The following FAM149A variants were observed in gnomAD, a reference collection of about 807,000 sequenced individuals.
FAM149A encodes family with sequence similarity 149 member A.
FAM149A carries 71 observed loss-of-function variants against 78.2 expected under a neutral mutation model. The ratio of observed to expected loss-of-function variants is 0.91; its 90% confidence interval spans 0.75 to 1.11. The LOEUF is 1.11. Among genes scored for constraint, FAM149A ranks in the 50% least tolerant of loss-of-function variants. The pLI is 0.00. For missense variants in FAM149A, 1,036 were observed against 971.0 expected (o/e 1.07, Z -0.89); for synonymous variants, 446 against 410.5 (o/e 1.09, Z -1.04).
intron 1 of FAM149A, among the ~76,000 whole-genome samples, chr4:186,148,271 G>T (rs530161252): frequency 7.2e-4 from 110 of 152,324 alleles, no homozygotes; most frequent in African/African-American, 2.6e-3. Context: ...AGGTTGCAGT[G>T]AGCTGAGATC....
intron 1 of FAM149A, among the ~76,000 whole-genome samples, chr4:186,106,874 C>T (rs987862451): frequency 6.6e-6 from 1 of 152,026 alleles, no homozygotes; most frequent in African/African-American, 2.4e-5. Context: ...GGCGTGAACC[C>T]GGGAGGCGGA....
Position 186,154,547 on chromosome 4 carries a change from G to T in FAM149A, c.1138G>T (p.Ala380Ser), listed in dbSNP as rs138777575. The change falls in exon 6 of 14, where the codon GCT becomes TCT. Residue 380 changes from alanine to serine, a missense_variant. Transcript: ENST00000389354. ...GCCAGGCCCTGATGACACAGGGGTTGCTGACCTAACGGCACGTTCATCCCT... is the reference window on the plus strand; with the variant it reads ...GCCAGGCCCTGATGACACAGGGGTTTCTGACCTAACGGCACGTTCATCCCT... The T allele has an allele frequency of 9.2e-5, 149 of 1,614,172 alleles. No individual in the cohort carries two copies. In the African/African-American group the frequency reaches 1.7e-3, roughly 19 times the overall value.
At chr4:186,127,749 G>C (rs1256566132) in intron 1 of FAM149A, 3 of 851,626 alleles carry the variant, frequency 3.5e-6, no homozygotes, top group South Asian at 1.1e-4. Context: ...GCAGTGGCAC[G>C]ATCTCTGCTC....
At chr4:186,151,499 T>G (rs913234769) in intron 3 of FAM149A, among the ~76,000 whole-genome samples, 6 of 152,200 alleles carry the variant, frequency 3.9e-5, no homozygotes, top group Non-Finnish European at 5.9e-5. Context: ...AAATCTTGTA[T>G]TTTGCAGGTG....
rs771886128 is a variant in FAM149A, at chr4:186,165,474, A to AAATC, written c.2010+10_2010+11insAATC. Reference sequence around the variant, plus strand: ...ATGCCGCCTTGTTTCTGTAAGACAGATTTCATTCTATTTCAGTGGACCATT... The same window carrying AAATC: ...ATGCCGCCTTGTTTCTGTAAGACAGAAATCTTTCATTCTATTTCAGTGGACCATT... On this transcript the variant is annotated intron_variant, in intron 11 of 13. Coordinates refer to ENST00000389354, the MANE Select transcript of FAM149A (RefSeq NM_001367768.3). The AAATC allele has an allele frequency of 2.1e-5, 34 of 1,613,792 alleles. No individual in the cohort carries two copies. In the African/African-American group the frequency reaches 4.5e-4, roughly 22 times the overall value.
Position 186,135,799 on chromosome 4 carries a change from A to C in FAM149A, c.567-13374A>C, listed in dbSNP as rs1157037410. ...CACAACAATTTGGAAGACCTGTGAC[A>C]GCACTGAATAGACCCACAAAAGTGC... On this transcript the variant is annotated intron_variant, in intron 1 of 13. Coordinates refer to ENST00000389354, the MANE Select transcript of FAM149A (RefSeq NM_001367768.3). 1.3e-5 allele frequency among the ~76,000 whole-genome samples: 2 copies of C among 152,222 alleles called. 1 individual carries two copies. The highest frequency in any genetic ancestry group is 1.3e-4 in the Admixed American group (2 of 15,290).
At chr4:186,121,659 A>G (rs980288289) in intron 1 of FAM149A, among the ~76,000 whole-genome samples, 9 of 152,160 alleles carry the variant, frequency 5.9e-5, no homozygotes, top group African/African-American at 1.2e-4. Flanking sequence ...CAAACTTACT[A>G]TGACGGCCCT....
chr4:186,119,655 G>A (rs139235425), intron 1 of FAM149A, among the ~76,000 whole-genome samples: 8 of 152,296 alleles, frequency 5.3e-5, no homozygotes, highest in African/African-American at 1.9e-4. Context: ...TATAATGTCA[G>A]TCATGAGGAT....
At chr4:186,108,345 A>G (rs1288100457) in intron 1 of FAM149A, among the ~76,000 whole-genome samples, 2 of 152,114 alleles carry the variant, frequency 1.3e-5, no homozygotes, top group East Asian at 3.9e-4. Context: ...GGAAAACCCT[A>G]TTAGCAGTTT....
chr4:186,150,331 T>C (rs1424352001), intron 3 of FAM149A, among the ~76,000 whole-genome samples: 2 of 151,468 alleles, frequency 1.3e-5, no homozygotes, highest in African/African-American at 4.9e-5. Context: ...CCTTGGGTGT[T>C]CTGTTTTACC....
At chr4:186,146,384 C>T (rs1376706705) in intron 1 of FAM149A, 7 of 827,560 alleles carry the variant, frequency 8.5e-6, no homozygotes, top group Non-Finnish European at 1.0e-5. Flanking sequence ...TCCCCCTGCC[C>T]TGCATCCCAA....
chr4:186,121,092 ACT>A (rs1491530443), intron 1 of FAM149A, among the ~76,000 whole-genome samples: 1 of 151,838 alleles, frequency 6.6e-6, no homozygotes, highest in African/African-American at 2.4e-5. Flanking sequence ...CATTTTTTCA[ACT>A]CTTTTCCAGT....
At chr4:186,132,140 C>A (rs570542672) in intron 1 of FAM149A, 10 of 985,280 alleles carry the variant, frequency 1.0e-5, no homozygotes, top group Non-Finnish European at 1.2e-5. Flanking sequence ...GACAAATTAC[C>A]TTGGTACGAG....
intron 1 of FAM149A, 129 bp downstream of exon 1, chr4:186,105,771 G>C: frequency 3.4e-6 from 2 of 587,040 alleles, no homozygotes; most frequent in Non-Finnish European, 4.4e-6. Context: ...TAACCCCCTG[G>C]GCACCCTCCT....
At chr4:186,109,084 T>G in intron 1 of FAM149A, 1 of 465,550 alleles carries the variant, frequency 2.1e-6, no homozygotes, top group South Asian at 9.3e-5. Flanking sequence ...CCTGACCTTG[T>G]AATTTGCCCG....
At chr4:186,110,377 A>T (rs1289520867) in intron 1 of FAM149A, 5 of 910,990 alleles carry the variant, frequency 5.5e-6, no homozygotes. Context: ...TACAATTGTC[A>T]TATAAGCGTT....
intron 1 of FAM149A, among the ~76,000 whole-genome samples, chr4:186,131,350 A>T (rs921547920): frequency 2.4e-4 from 36 of 151,398 alleles, no homozygotes; most frequent in Middle Eastern, 3.4e-3. Flanking sequence ...TCCAACTCAA[A>T]AAAAAAAAGA....
chr4:186,161,786 T>G (rs1304275265), intron 8 of FAM149A, among the ~76,000 whole-genome samples: 1 of 152,266 alleles, frequency 6.6e-6, no homozygotes, highest in Non-Finnish European at 1.5e-5. Flanking sequence ...GTTCTAATTA[T>G]GAAAGCTCTT....
At chr4:186,152,416 G>C (rs1008449319) in intron 4 of FAM149A, among the ~76,000 whole-genome samples, 11 of 152,128 alleles carry the variant, frequency 7.2e-5, no homozygotes, top group African/African-American at 2.7e-4. Context: ...TTTGCTGAAC[G>C]GCTGGATAGA....
Sources: gnomAD v4.1 joint callset for allele counts (sites outside exome capture counted in the v4.1 genomes callset) on GRCh38, gnomAD v4.1.1 for gene constraint, MANE v1.5 for transcripts, NCBI Gene and HGNC (gene_info 2026-07-23, HGNC 2026-07-21) for gene names.